ACSL3: variants seen among roughly 807,000 people sequenced by gnomAD.
The protein encoded by ACSL3 is fatty acid CoA ligase Acsl3.
Under a neutral mutation model 84.7 loss-of-function variants are expected in ACSL3, and 34 were observed. The observed-to-expected ratio is 0.40, with a 90% CI of 0.31 to 0.53. ACSL3 has a LOEUF of 0.53. Among genes scored for constraint, ACSL3 ranks in the 20% least tolerant of loss-of-function variants. ACSL3 has a pLI of 0.48. For missense variants in ACSL3, 680 were observed against 873.1 expected (o/e 0.78, Z 2.79); for synonymous variants, 315 against 299.4 (o/e 1.05, Z -0.54).
intron 16 of ACSL3, among the ~76,000 whole-genome samples, chr2:222,937,004 G>C (rs1206608751): frequency 6.6e-6 from 1 of 152,078 alleles, no homozygotes; most frequent in African/African-American, 2.4e-5. Flanking sequence ...TGACATGTCG[G>C]GATTATGGGG....
At chr2:222,929,113 G>A (rs1261992158) in intron 13 of ACSL3, among the ~76,000 whole-genome samples, 177 bp downstream of exon 13, 1 of 152,074 alleles carries the variant, frequency 6.6e-6, no homozygotes, top group African/African-American at 2.4e-5. Flanking sequence ...TTTCAAAGAT[G>A]TTTCTGAAGA....
At chr2:222,926,830 C>T (rs1340099579) in intron 11 of ACSL3, among the ~76,000 whole-genome samples, 187 bp from the exon 12 acceptor site, 1 of 152,102 alleles carries the variant, frequency 6.6e-6, no homozygotes, top group Non-Finnish European at 1.5e-5. Context: ...ATAATAAATT[C>T]TTTACCTTGT....
intron 1 of ACSL3, among the ~76,000 whole-genome samples, chr2:222,883,491 G>GT (rs1695643311): frequency 2.0e-5 from 3 of 152,006 alleles, no homozygotes; most frequent in Non-Finnish European, 1.5e-5. Flanking sequence ...CCAGCCTTTT[G>GT]TTTTTTTAGG....
At chr2:222,880,185 T>C (rs991834305) in intron 1 of ACSL3, among the ~76,000 whole-genome samples, 1 of 152,230 alleles carries the variant, frequency 6.6e-6, no homozygotes, top group Non-Finnish European at 1.5e-5. Context: ...GCATTAAATA[T>C]GCTGTTTCTC....
chr2:222,893,732 G>A (rs1431695813), intron 2 of ACSL3, among the ~76,000 whole-genome samples: 2 of 143,592 alleles, frequency 1.4e-5, no homozygotes, highest in African/African-American at 2.6e-5. Context: ...CCCTTCCCCC[G>A]CTTTCCGCCT....
chr2:222,899,939 C>T (rs1025999836), intron 2 of ACSL3, among the ~76,000 whole-genome samples: 29 of 152,200 alleles, frequency 1.9e-4, no homozygotes, highest in African/African-American at 6.7e-4. Flanking sequence ...CCCGGAGGCT[C>T]GGAATGCCTA....
At chr2:222,932,445 C>T (rs1336080413) in intron 14 of ACSL3, among the ~76,000 whole-genome samples, 1 of 152,196 alleles carries the variant, frequency 6.6e-6, no homozygotes, top group African/African-American at 2.4e-5. Flanking sequence ...TCTCCTGCCT[C>T]AGCCTCCTGA....
chr2:222,929,734 C>T (rs923562269), intron 13 of ACSL3, among the ~76,000 whole-genome samples: 6 of 151,488 alleles, frequency 4.0e-5, no homozygotes, highest in East Asian at 2.0e-4. Flanking sequence ...GCCAAGATTG[C>T]GCCACTGCAC....
intron 1 of ACSL3, among the ~76,000 whole-genome samples, chr2:222,873,392 AT>A (rs928095841): frequency 2.0e-5 from 3 of 152,202 alleles, no homozygotes; most frequent in African/African-American, 7.2e-5. Flanking sequence ...TAAGTTTACT[AT>A]TCAATTTCTT....
rs539339636 is a variant in ACSL3, at chr2:222,924,819, C to A, written c.1292+224C>A. ...CAGGTGGATCATGAGGTCAGGAGAT[C>A]GAGACCATCCTGGCTAACACAGTGA... On this transcript the variant is annotated intron_variant, in intron 11 of 16. Transcript: ENST00000357430. 2.6e-5 allele frequency among the ~76,000 whole-genome samples: 4 copies of A among 151,670 alleles called. No homozygotes were observed. In the South Asian group the frequency reaches 8.4e-4, roughly 32 times the overall value.
In ACSL3 at chr2:222,930,683, G is replaced by A; in HGVS notation, c.1603G>A (p.Val535Met). ...RGEILIGGQS[V>M]TMGYYKNEAK... The stretch of plus-strand genomic sequence containing the variant: ...TGAAATTCTTATTGGGGGCCAAAGT[G>A]TGACAATGGGGTACTACAAAAATGA... Residue 535 changes from valine (V) to methionine (M), a missense_variant, in exon 14 of 17, where the codon GTG (valine) becomes ATG (methionine). Val to Met is a conservative substitution (Grantham distance 21). Transcript: ENST00000357430. 6.2e-7 allele frequency: 1 copy of A among 1,614,146 alleles called. No homozygotes were observed. The highest frequency in any genetic ancestry group is 8.5e-7 in the Non-Finnish European group (1 of 1,180,000).
intron 16 of ACSL3, among the ~76,000 whole-genome samples, chr2:222,939,045 C>G (rs1217396469): frequency 6.6e-6 from 1 of 151,784 alleles, no homozygotes; most frequent in Non-Finnish European, 1.5e-5. Context: ...TCTGTACTCT[C>G]TTGTAATTCA....
chr2:222,931,636 T>A (rs1697033147), intron 14 of ACSL3, among the ~76,000 whole-genome samples: 1 of 152,150 alleles, frequency 6.6e-6, no homozygotes, highest in African/African-American at 2.4e-5. Context: ...CAATAATTTC[T>A]CTGTTGCCAT....
chr2:222,930,816 A>G lies in ACSL3; in HGVS notation c.1732+4A>G, dbSNP rs1292032964. 7 of 1,586,642 alleles carry G rather than the reference A, an allele frequency of 4.4e-6. No individual in the cohort carries two copies. The East Asian group carries it at 1.6e-4, about 36-fold the overall frequency. On this transcript the variant is annotated splice_donor_region_variant and intron_variant, in intron 14 of 16. Transcript: ENST00000357430. ...GATGGATGCTTAAAGATTATTGGTA[A>G]GTCATCTAATATTTTTTTGAAAATG...
rs1343826984 is a variant in ACSL3 at position 222,908,995 on chromosome 2, G to T, written c.223G>T (p.Asp75Tyr). The change falls in exon 4 of 17, where the codon GAT becomes TAT. Residue 75 changes from aspartate (D) to tyrosine (Y), a missense_variant. Transcript: ENST00000357430. ...DSAYRSVNSL[D>Y]GLASVLYPGC... ...TGCATACAGATCTGTTAATAGTTTG[G>T]ATGGTTTGGCTTCAGTATTATACCC... 1 of 1,613,758 alleles carries T rather than the reference G, an allele frequency of 6.2e-7. No homozygotes were observed. Among genetic ancestry groups the T allele is most frequent in the South Asian group, 1.1e-5 (1 of 90,962 alleles).
intron 1 of ACSL3, among the ~76,000 whole-genome samples, chr2:222,870,425 G>C (rs1184447216): frequency 1.3e-5 from 2 of 152,198 alleles, no homozygotes; most frequent in Non-Finnish European, 2.9e-5. Context: ...TGGAGTGAAA[G>C]ATGAGGCAGA....
At chr2:222,899,300 C>T (rs2106109720) in intron 2 of ACSL3, among the ~76,000 whole-genome samples, 1 of 152,038 alleles carries the variant, frequency 6.6e-6, no homozygotes, top group East Asian at 1.9e-4. Flanking sequence ...ACGGTGAAAT[C>T]CCATCTCTAC....
At chr2:222,919,593 C>T (rs1374272646) in intron 7 of ACSL3, among the ~76,000 whole-genome samples, 2 of 152,112 alleles carry the variant, frequency 1.3e-5, no homozygotes, top group African/African-American at 4.8e-5. Flanking sequence ...CTCCCTGTTC[C>T]AGTTCTTCCC....
At chr2:222,921,168 G>A in intron 7 of ACSL3, 112 bp from the exon 8 acceptor site, 1 of 1,238,424 alleles carries the variant, frequency 8.1e-7, no homozygotes, top group South Asian at 1.3e-5. Flanking sequence ...GTTGAATTGA[G>A]TTAAATTAAC....
Sources: gnomAD v4.1 joint callset for allele counts (sites outside exome capture counted in the v4.1 genomes callset) on GRCh38, gnomAD v4.1.1 for gene constraint, MANE v1.5 for transcripts, NCBI Gene and HGNC (gene_info 2026-07-23, HGNC 2026-07-21) for gene names.